The following SLA variants were observed in gnomAD, a reference collection of about 807,000 sequenced individuals.
SLA encodes src-like-adapter.
Under a neutral mutation model 30.3 loss-of-function variants are expected in SLA, and 16 were observed. The ratio of observed to expected loss-of-function variants is 0.53; its 90% CI spans 0.36 to 0.80. The LOEUF (loss-of-function observed/expected upper bound fraction) is 0.80, where lower values mean the gene tolerates loss of function less well. Among genes scored for constraint, SLA ranks in the 30% least tolerant of loss-of-function variants. The pLI, the probability that SLA is intolerant of heterozygous loss-of-function variation, is 0.01. For synonymous variants in SLA, 143 were observed against 137.8 expected, an observed-to-expected ratio of 1.04 and a Z score of -0.26; for missense variants, 310 against 345.2, an observed-to-expected ratio of 0.90 and a Z score of 0.81.
intron 1 of SLA, among the ~76,000 whole-genome samples, chr8:133,085,700 A>G (rs1435017069): frequency 6.6e-6 from 1 of 152,246 alleles, no homozygotes. Context: ...AATAATAACA[A>G]TTTTTAAAAA....
intron 7 of SLA, among the ~76,000 whole-genome samples, chr8:133,044,190 A>G (rs543833741): frequency 6.6e-6 from 1 of 152,296 alleles, no homozygotes; most frequent in African/African-American, 2.4e-5. Flanking sequence ...CATTTAGCCA[A>G]CCGTTCACAA....
At chr8:133,095,303 A>G in intron 1 of SLA, 1 of 1,551,476 alleles carries the variant, frequency 6.4e-7, no homozygotes. Flanking sequence ...CACCCCAGCC[A>G]TACCACACAT....
chr8:133,037,360 A>G lies in SLA; in HGVS notation c.*1164T>C, dbSNP rs1837284841. On this transcript the variant is annotated 3_prime_UTR_variant, in exon 9 of 9. Coordinates refer to ENST00000338087, the MANE Select transcript of SLA (RefSeq NM_001045556.3). ...TTCCTGGAGCTGAGCATTTTTCCTC[A>G]TATGGATGCCAGACCCTTCTTAGAA... 1.3e-5 allele frequency: 2 copies of G among 152,212 alleles called. No individual in the cohort carries two copies. The highest frequency in any genetic ancestry group is 1.9e-4 in the East Asian group (1 of 5,200). 9.4% of individuals were successfully genotyped at this position (152,212 alleles called of 1,614,324 possible).
chr8:133,092,721 T>C (rs1369824943), intron 1 of SLA, among the ~76,000 whole-genome samples: 1 of 152,138 alleles, frequency 6.6e-6, no homozygotes, highest in Admixed American at 6.5e-5. Context: ...CCATGCTCTC[T>C]ACACACCTCT....
At chr8:133,062,546 C>T (rs920647441) in intron 2 of SLA, among the ~76,000 whole-genome samples, 1 of 152,254 alleles carries the variant, frequency 6.6e-6, no homozygotes, top group Admixed American at 6.5e-5. Context: ...GTGCTGCCTC[C>T]GAGGCCCGGG....
At chr8:133,057,017 A>G (rs1397705697) in intron 3 of SLA, among the ~76,000 whole-genome samples, 1 of 152,174 alleles carries the variant, frequency 6.6e-6, no homozygotes, top group Non-Finnish European at 1.5e-5. Flanking sequence ...GGTGGTGCGA[A>G]GACCACTTAC....
chr8:133,064,381 C>T (rs1376913547), intron 2 of SLA, among the ~76,000 whole-genome samples: 1 of 152,222 alleles, frequency 6.6e-6, no homozygotes, highest in Non-Finnish European at 1.5e-5. Flanking sequence ...TTAATGTGTA[C>T]AACCACCTTC....
intron 1 of SLA, among the ~76,000 whole-genome samples, chr8:133,093,143 T>TCTTTTCTTTTCTTTTCTTTTC (rs55977841): frequency 1.5e-4 from 14 of 94,022 alleles, no homozygotes; most frequent in African/African-American, 4.4e-4. Context: ...TCTTTTCTTT[T>TCTTTTCTTTTCTTTTCTTTTC]TTTTTTTTAA....
chr8:133,049,931 A>G lies in SLA; in HGVS notation c.219T>C (p.Pro73=), dbSNP rs149577973. 1.2e-6 allele frequency: 2 copies of G among 1,613,284 alleles called. No individual in the cohort carries two copies. Among genetic ancestry groups the G allele is most frequent in the Non-Finnish European group, 1.7e-6 (2 of 1,179,232 alleles). Residue 73 remains proline (P), a synonymous_variant, in exon 5 of 9, where the codon CCT becomes CCC. Coordinates refer to ENST00000338087, the MANE Select transcript of SLA (RefSeq NM_001045556.3). ...SLSTGRESYI[P]GICVARVYHG... ...GGTAAACTCTGGCCACACATATTCC[A>G]GGGATGTAACTCTCTCGACCAGTGC...
Position 133,047,951 on chromosome 8 carries a change from A to G in SLA, c.249-18T>C, listed in dbSNP as rs773419175. On this transcript the variant is annotated intron_variant, in intron 5 of 8. Coordinates refer to ENST00000338087, the MANE Select transcript of SLA (RefSeq NM_001045556.3). ...ACAGCCAGCTGGGAAGGAGGAAGAC[A>G]GCCATTAGGATCCGGAACAAGCCCT... The G allele has an allele frequency of 1.9e-5, 28 of 1,501,960 alleles. No homozygotes were observed. In the African/African-American group the frequency reaches 3.6e-4, roughly 19 times the overall value. The allele number at this position is 1,501,960 out of a possible 1,614,324, so 93.0% of individuals were successfully genotyped here.
In SLA at chr8:133,063,072, A is replaced by C. The variant is rs570575440; in HGVS notation, c.-40-2872T>G. Among the ~76,000 whole-genome samples the C allele has an allele frequency of 2.2e-3, 331 of 152,286 alleles. 2 individuals carry two copies. The highest frequency in any genetic ancestry group is 6.6e-3 in the African/African-American group (274 of 41,542). On this transcript the variant is annotated intron_variant, in intron 2 of 8. Transcript: ENST00000338087. ...TCTGGGGAAAGTTCTCAACATGCAG[A>C]ACTAACTCTGAAACCACATGTGTGC...
At chr8:133,084,460 G>A (rs968247002) in intron 1 of SLA, among the ~76,000 whole-genome samples, 1 of 152,192 alleles carries the variant, frequency 6.6e-6, no homozygotes, top group African/African-American at 2.4e-5. Flanking sequence ...AAATAAGAGG[G>A]CAGCCATTGC....
Position 133,067,809 on chromosome 8 carries a change from A to AAAGG in SLA, c.-41+7040_-41+7043dup, listed in dbSNP as rs139216271. Among the ~76,000 whole-genome samples the AAAGG allele has an allele frequency of 9.3e-3, 1,396 of 150,040 alleles. 22 individuals carry two copies. The highest frequency in any genetic ancestry group is 0.033 in the African/African-American group (1,328 of 40,600). ...AAGAAAGAAAAAGAAAGAAAGAAAG[A>AAAGG]AAGGAAGGAAGGAAGGGGGAGAGAG... On this transcript the variant is annotated intron_variant, in intron 2 of 8. Transcript: ENST00000338087.
chr8:133,050,029 A>G (rs1436678191), intron 4 of SLA, 41 bp from the exon 5 acceptor site: 2 of 1,284,594 alleles, frequency 1.6e-6, no homozygotes, highest in Admixed American at 3.4e-5. Flanking sequence ...AGATAGGTAA[A>G]TAGCAAAACC....
At chr8:133,048,846 A>G in intron 5 of SLA, 1 of 190,512 alleles carries the variant, frequency 5.2e-6, no homozygotes, top group Non-Finnish European at 1.1e-5. Context: ...GATCATGAAT[A>G]CTAAAATTAA....
At chr8:133,071,865 G>A (rs557438951) in intron 2 of SLA, among the ~76,000 whole-genome samples, 3 of 152,148 alleles carry the variant, frequency 2.0e-5, no homozygotes, top group Non-Finnish European at 4.4e-5. Flanking sequence ...TCTTAGGATA[G>A]GGTTCATGTC....
chr8:133,060,026 C>G, intron 3 of SLA, 74 bp downstream of exon 3: 1 of 1,456,844 alleles, frequency 6.9e-7, no homozygotes, highest in Non-Finnish European at 9.1e-7. Flanking sequence ...TTACCGGCAT[C>G]CACCACCGCC....
In SLA at chr8:133,060,099, C is replaced by A; in HGVS notation, c.61+1G>T. The A allele has an allele frequency of 6.3e-7, 1 of 1,593,752 alleles. No individual in the cohort carries two copies. The highest frequency in any genetic ancestry group is 8.5e-7 in the Non-Finnish European group (1 of 1,173,542). ...CATCTCACCAGAGAAGCCAGACTTA[C>A]CCTCCGGGTTGGGCAGGGGCCTCTC... On this transcript the variant is annotated splice_donor_variant, in intron 3 of 8. Transcript: ENST00000338087. LOFTEE classifies it high-confidence loss of function.
At chr8:133,061,278 G>A (rs1842335290) in intron 2 of SLA, among the ~76,000 whole-genome samples, 1 of 152,182 alleles carries the variant, frequency 6.6e-6, no homozygotes, top group Non-Finnish European at 1.5e-5. Context: ...CAATGTGGTG[G>A]GATTACAAGC....
Sources: allele counts gnomAD v4.1 joint callset (sites outside exome capture counted in the v4.1 genomes callset), GRCh38; gene constraint gnomAD v4.1.1; transcripts MANE v1.5; gene names NCBI Gene and HGNC (gene_info 2026-07-23, HGNC 2026-07-21).